The following RAB31 variants were observed in gnomAD, a reference collection of about 807,000 sequenced individuals.
RAB31 encodes the protein ras-related protein Rab-31.
A neutral mutation model predicts 25.6 loss-of-function variants in RAB31; 21 were observed. That is an observed-to-expected ratio of 0.82 (90% CI 0.58 to 1.18). RAB31 has a LOEUF of 1.18. Among genes scored for constraint, RAB31 ranks in the 50% most tolerant of loss-of-function variants. RAB31 has a pLI of 0.00. For synonymous variants in RAB31, 87 were observed against 84.0 expected (o/e 1.04, Z -0.20); for missense variants, 196 against 250.1 (o/e 0.78, Z 1.46).
intron 1 of RAB31, chr18:9,723,672 A>C (rs1374535350): frequency 6.6e-6 from 1 of 152,248 alleles, no homozygotes; most frequent in Non-Finnish European, 1.5e-5. Flanking sequence ...CACTCATGGC[A>C]GAAAGTGGAA....
chr18:9,797,475 T>G (rs557573072), intron 3 of RAB31: 6 of 152,330 alleles, frequency 3.9e-5, no homozygotes, highest in African/African-American at 1.4e-4. Context: ...AAAAGCACTT[T>G]GAGGTTGAAA....
intron 1 of RAB31, chr18:9,723,556 A>G (rs1467355891): frequency 6.6e-6 from 1 of 152,224 alleles, no homozygotes; most frequent in Non-Finnish European, 1.5e-5. Flanking sequence ...GTTTTGTAAC[A>G]GAACACCTGC....
chr18:9,719,826 T>C (rs2068065545), intron 1 of RAB31, among the ~76,000 whole-genome samples: 1 of 152,140 alleles, frequency 6.6e-6, no homozygotes, highest in Non-Finnish European at 1.5e-5. Context: ...TACAGGAAAG[T>C]GTTTCTAACC....
chr18:9,762,866 C>T lies in RAB31; in HGVS notation c.40-12412C>T, dbSNP rs186449949. Among the ~76,000 whole-genome samples, 58 of 152,138 alleles carry T rather than the reference C, an allele frequency of 3.8e-4. 1 individual carries two copies. The highest frequency in any genetic ancestry group is 3.4e-3 in the Middle Eastern group (1 of 294). On this transcript the variant is annotated intron_variant, in intron 1 of 6. Transcript: ENST00000578921. Reference sequence around the variant, plus strand: ...CACTTTGGTTTTTTGCTCCTGATAACGTCAGTGGCCCTGGCTTTCCTAGAA... The same window carrying T: ...CACTTTGGTTTTTTGCTCCTGATAATGTCAGTGGCCCTGGCTTTCCTAGAA...
rs536342722 is a variant in RAB31 at position 9,787,572 on chromosome 18, G to T, written c.120-4582G>T. On this transcript the variant is annotated intron_variant, in intron 2 of 6. Coordinates refer to ENST00000578921, the MANE Select transcript of RAB31 (RefSeq NM_006868.4). ...GTGTGCAGTCAGCACTTACCATCAG[G>T]TGGTCCATACTGGAGAGAAGCCTTC... 7.2e-4 allele frequency: 132 copies of T among 182,974 alleles called. No individual in the cohort carries two copies. The South Asian group carries it at 0.017, about 23-fold the overall frequency. 11.3% of individuals were successfully genotyped at this position (182,974 alleles called of 1,614,324 possible). A position where few individuals can be genotyped will look rare whatever the true frequency, so the allele number is the denominator to read the frequency against.
intron 4 of RAB31, 53 bp from the exon 5 acceptor site, chr18:9,815,063 G>A (rs1212448677): frequency 2.0e-5 from 26 of 1,291,542 alleles, no homozygotes; most frequent in Non-Finnish European, 2.5e-5. Context: ...CTGCTTAGTT[G>A]AAATATTATA....
chr18:9,809,041 T>G (rs537995629), intron 3 of RAB31, among the ~76,000 whole-genome samples: 109 of 107,574 alleles, frequency 1.0e-3, no homozygotes, highest in Non-Finnish European at 1.7e-3. Context: ...TGCTGAGGGG[T>G]GTGTGTGTGT....
At chr18:9,717,700 CAGAG>C (rs2068051718) in intron 1 of RAB31, among the ~76,000 whole-genome samples, 1 of 151,704 alleles carries the variant, frequency 6.6e-6, no homozygotes, top group African/African-American at 2.4e-5. Flanking sequence ...AGAAGAAAGA[CAGAG>C]AGACACGCAC....
intron 1 of RAB31, among the ~76,000 whole-genome samples, chr18:9,732,091 T>C (rs1416674842): frequency 1.3e-5 from 2 of 152,196 alleles, no homozygotes; most frequent in Non-Finnish European, 2.9e-5. Flanking sequence ...ATGCCCAGCC[T>C]CCGTCTCCCT....
intron 1 of RAB31, among the ~76,000 whole-genome samples, chr18:9,756,181 C>T (rs2145481047): frequency 6.6e-6 from 1 of 152,278 alleles, no homozygotes; most frequent in African/African-American, 2.4e-5. Context: ...GTACTCCCTC[C>T]CTTGCTTCCA....
chr18:9,774,841 G>T (rs767440190), intron 1 of RAB31: 1 of 517,508 alleles, frequency 1.9e-6, no homozygotes, highest in African/African-American at 1.9e-5. Flanking sequence ...AGAATTAATA[G>T]GTCTTAAAGG....
chr18:9,783,136 C>T (rs1269367087), intron 2 of RAB31, among the ~76,000 whole-genome samples: 1 of 152,162 alleles, frequency 6.6e-6, no homozygotes, highest in Non-Finnish European at 1.5e-5. Context: ...AGTTGCTCCT[C>T]ACAGCTCACT....
chr18:9,812,026 C>T (rs755118340), intron 3 of RAB31, among the ~76,000 whole-genome samples: 2 of 152,204 alleles, frequency 1.3e-5, no homozygotes, highest in Non-Finnish European at 2.9e-5. Context: ...CCTGTGAGGG[C>T]CCCCTTTCTG....
intron 1 of RAB31, among the ~76,000 whole-genome samples, chr18:9,774,316 G>T (rs1005113447): frequency 1.3e-5 from 2 of 152,120 alleles, no homozygotes; most frequent in Admixed American, 1.3e-4. Flanking sequence ...GCCCAGCTCC[G>T]TCCGATGCAG....
At chr18:9,763,487 G>A (rs1478766439) in intron 1 of RAB31, among the ~76,000 whole-genome samples, 4 of 151,642 alleles carry the variant, frequency 2.6e-5, no homozygotes, top group Non-Finnish European at 4.4e-5. Context: ...TATAATAATT[G>A]ATATTAGGAA....
chr18:9,769,648 ACTT>A (rs2068334054), intron 1 of RAB31, among the ~76,000 whole-genome samples: 1 of 152,150 alleles, frequency 6.6e-6, no homozygotes, highest in Non-Finnish European at 1.5e-5. Flanking sequence ...AGACAATTTG[ACTT>A]CTTCTTTTCC....
At chr18:9,801,312 T>G (rs1599044234) in intron 3 of RAB31, among the ~76,000 whole-genome samples, 2 of 144,620 alleles carry the variant, frequency 1.4e-5, no homozygotes, top group South Asian at 2.2e-4. Context: ...AGATGGAGTC[T>G]TCTCTGTCGC....
chr18:9,772,448 G>C (rs2068350149), intron 1 of RAB31, among the ~76,000 whole-genome samples: 1 of 152,242 alleles, frequency 6.6e-6, no homozygotes, highest in Non-Finnish European at 1.5e-5. Flanking sequence ...ACCACTGTGT[G>C]CTGGTCCTCC....
chr18:9,779,352 A>G (rs1045692373), intron 2 of RAB31, among the ~76,000 whole-genome samples: 1 of 152,232 alleles, frequency 6.6e-6, no homozygotes. Flanking sequence ...CATAACCAAT[A>G]TTTAGAGTCC....
Sources: allele counts gnomAD v4.1 joint callset (sites outside exome capture counted in the v4.1 genomes callset), GRCh38; gene constraint gnomAD v4.1.1; transcripts MANE v1.5; gene names NCBI Gene and HGNC (gene_info 2026-07-23, HGNC 2026-07-21).